ITPR2: variants seen among roughly 807,000 people sequenced by gnomAD.
ITPR2 encodes the protein inositol 1,4,5-trisphosphate receptor type 2.
In ITPR2, 207 loss-of-function variants were observed where a neutral mutation model predicts 317.1. The observed-to-expected ratio is 0.65, with a 90% CI of 0.58 to 0.73. The LOEUF is 0.73. ITPR2 is among the 30% of genes least tolerant of loss of function. The pLI, the probability that ITPR2 is intolerant of heterozygous loss-of-function variation, is 0.00. For synonymous variants in ITPR2, 1,156 were observed against 1,149.1 expected, an observed-to-expected ratio of 1.01 and a Z score of -0.12; for missense variants, 2,613 against 3,284.0, an observed-to-expected ratio of 0.80 and a Z score of 4.99.
Position 26,421,731 on chromosome 12 carries a change from G to T in ITPR2, c.6946-2518C>A, listed in dbSNP as rs888898755. On this transcript the variant is annotated intron_variant, in intron 49 of 56. Coordinates refer to ENST00000381340, the MANE Select transcript of ITPR2 (RefSeq NM_002223.4). ...GGAAACTGGGCAAGATGGTCACAAGGCTCTTCTGAGCTGGTGCTAAGAGGT... is the reference window on the plus strand; with the variant it reads ...GGAAACTGGGCAAGATGGTCACAAGTCTCTTCTGAGCTGGTGCTAAGAGGT... Among the ~76,000 whole-genome samples the T allele has an allele frequency of 2.6e-5, 4 of 152,314 alleles. No homozygotes were observed. In the East Asian group the frequency reaches 5.8e-4, roughly 22 times the overall value.
chr12:26,486,935 T>C (rs1942683666), intron 40 of ITPR2, 133 bp downstream of exon 40: 1 of 962,246 alleles, frequency 1.0e-6, no homozygotes, highest in Admixed American at 1.8e-5. Context: ...ACCAAAATTC[T>C]TTATGGATGA....
chr12:26,351,121 A>C (rs1384124434), intron 55 of ITPR2, among the ~76,000 whole-genome samples: 2 of 152,218 alleles, frequency 1.3e-5, no homozygotes, highest in Non-Finnish European at 2.9e-5. Flanking sequence ...CTCTAGGATG[A>C]GTGACCACCT....
At chr12:26,461,691 TACACAC>T (rs10580959) in intron 45 of ITPR2, among the ~76,000 whole-genome samples, 64,263 of 123,506 alleles carry the variant, frequency 0.52, 17,067 homozygotes, top group Non-Finnish European at 0.64. Flanking sequence ...CATATATATA[TACACAC>T]ACACACACAC....
At chr12:26,531,974 C>T (rs1232435049) in intron 37 of ITPR2, among the ~76,000 whole-genome samples, 1 of 152,088 alleles carries the variant, frequency 6.6e-6, no homozygotes, top group African/African-American at 2.4e-5. Context: ...TACGGTAATG[C>T]TGTCTTAAAA....
intron 30 of ITPR2, among the ~76,000 whole-genome samples, chr12:26,598,841 AT>A (rs766022116): frequency 5.3e-5 from 8 of 152,236 alleles, no homozygotes; most frequent in Admixed American, 6.5e-5. Context: ...AAACTTAAAA[AT>A]ATAAAATTTT....
At chr12:26,547,369 C>A (rs566299291) in intron 37 of ITPR2, among the ~76,000 whole-genome samples, 81 of 152,220 alleles carry the variant, frequency 5.3e-4, no homozygotes, top group Non-Finnish European at 5.0e-4. Context: ...CTTTCCCCAG[C>A]CAGAATGGCT....
rs1178759708 is a variant in ITPR2 at position 26,772,512 on chromosome 12, A to G, written c.163+17645T>C. Among the ~76,000 whole-genome samples the G allele has an allele frequency of 4.8e-5, 6 of 126,204 alleles. No individual in the cohort carries two copies. The East Asian group carries it at 8.2e-4, about 17-fold the overall frequency. The allele number at this position is 126,204 out of a possible 152,430, so 82.8% of individuals were successfully genotyped here. ...AATACATATAATACATGTATTATAT[A>G]TAATACATTATTATATATAATACAT... On this transcript the variant is annotated intron_variant, in intron 2 of 56. Transcript: ENST00000381340.
chr12:26,472,658 A>G (rs1416853733), intron 45 of ITPR2, among the ~76,000 whole-genome samples: 1 of 151,546 alleles, frequency 6.6e-6, no homozygotes, highest in Non-Finnish European at 1.5e-5. Flanking sequence ...GCATATGTCT[A>G]TTCTCCTCTT....
At chr12:26,748,618 G>GTC in intron 2 of ITPR2, among the ~76,000 whole-genome samples, 1 of 152,130 alleles carries the variant, frequency 6.6e-6, no homozygotes, top group Non-Finnish European at 1.5e-5. Context: ...TATCCACTGG[G>GTC]TGTCTCATTT....
chr12:26,636,223 T>C (rs1274236152), intron 21 of ITPR2, among the ~76,000 whole-genome samples: 1 of 152,204 alleles, frequency 6.6e-6, no homozygotes, highest in African/African-American at 2.4e-5. Context: ...CCTCCATAGG[T>C]AGACCTCTTC....
chr12:26,782,302 A>G (rs1014030711), intron 2 of ITPR2, among the ~76,000 whole-genome samples: 2 of 151,916 alleles, frequency 1.3e-5, no homozygotes, highest in Non-Finnish European at 2.9e-5. Context: ...AATTAAATTG[A>G]CAAACAGGAG....
chr12:26,454,655 T>C (rs948472119), intron 45 of ITPR2, among the ~76,000 whole-genome samples: 3 of 152,046 alleles, frequency 2.0e-5, no homozygotes, highest in African/African-American at 4.8e-5. Context: ...AGTCATCTTT[T>C]TGAGATGTTG....
At chr12:26,509,642 T>C (rs933561860) in intron 37 of ITPR2, among the ~76,000 whole-genome samples, 11 of 152,178 alleles carry the variant, frequency 7.2e-5, no homozygotes, top group Admixed American at 6.5e-5. Flanking sequence ...CAGGCTCAAA[T>C]TGCTAATTAA....
chr12:26,481,199 T>A lies in ITPR2; in HGVS notation c.6055A>T (p.Ile2019Phe), dbSNP rs748084106. Residue 2019 changes from isoleucine to phenylalanine, a missense_variant, in exon 43 of 57, where the codon ATT becomes TTT. By Grantham distance (21) the Ile-to-Phe change is conservative. Around this residue, in one of 9 missense-constraint regions of ITPR2, gnomAD observed 926 missense variants for 1,072.8 expected, o/e 0.86. Coordinates refer to ENST00000381340, the MANE Select transcript of ITPR2 (RefSeq NM_002223.4). ...THESNGIDII[I>F]ALILNDINPL... ...TTTATGTCATTCAGAATCAAAGCAA[T>A]GATGATATCAATCCCATTAGACTCA... 6.2e-7 allele frequency: 1 copy of A among 1,613,386 alleles called. No homozygotes were observed. Among genetic ancestry groups the A allele is most frequent in the Non-Finnish European group, 8.5e-7 (1 of 1,179,354 alleles).
intron 13 of ITPR2, among the ~76,000 whole-genome samples, chr12:26,675,978 T>G (rs2136949564): frequency 1.3e-5 from 2 of 151,630 alleles, no homozygotes; most frequent in East Asian, 3.9e-4. Flanking sequence ...GCCAACATGG[T>G]GAAACCCCAT....
intron 49 of ITPR2, among the ~76,000 whole-genome samples, chr12:26,427,103 T>C (rs1941082452): frequency 6.6e-6 from 1 of 152,082 alleles, no homozygotes; most frequent in Non-Finnish European, 1.5e-5. Flanking sequence ...TAGGGGAGAC[T>C]AGTCCTAATT....
At chr12:26,636,302 A>G (rs138942459) in intron 21 of ITPR2, among the ~76,000 whole-genome samples, 23 of 152,312 alleles carry the variant, frequency 1.5e-4, no homozygotes, top group African/African-American at 4.3e-4. Context: ...CGGTCATGGC[A>G]TTAACACTGT....
chr12:26,676,266 C>T (rs1011914732), intron 13 of ITPR2, among the ~76,000 whole-genome samples: 56 of 152,186 alleles, frequency 3.7e-4, no homozygotes, highest in African/African-American at 1.3e-3. Flanking sequence ...TACCTGAGGT[C>T]GGGAGTTCGA....
At position 26,833,037 on chromosome 12, in the gene ITPR2, C is replaced by T; in HGVS notation, c.-256G>A. The T allele has an allele frequency of 2.2e-6, 1 of 450,912 alleles. No homozygotes were observed. The highest frequency in any genetic ancestry group is 3.9e-6 in the Non-Finnish European group (1 of 257,930). 27.9% of individuals were successfully genotyped at this position (450,912 alleles called of 1,614,324 possible). Reference sequence around the variant, plus strand: ...GCCCAGGCGCCCAGAGAAGCCGCAGCCGCCGCCGCCTCCCCGGCAGGTTTC... The same window carrying T: ...GCCCAGGCGCCCAGAGAAGCCGCAGTCGCCGCCGCCTCCCCGGCAGGTTTC... On this transcript the variant is annotated 5_prime_UTR_variant, in exon 1 of 57. Transcript: ENST00000381340.
Sources: gnomAD v4.1 joint callset for allele counts (sites outside exome capture counted in the v4.1 genomes callset) on GRCh38, gnomAD v4.1.1 for gene constraint, gnomAD v4.1.1 regional missense constraint, MANE v1.5 for transcripts, NCBI Gene and HGNC (gene_info 2026-07-23, HGNC 2026-07-21) for gene names.